Variants in WNK2 observed in about 807,000 individuals in gnomAD.
WNK2 encodes WNK lysine deficient protein kinase 2.
In WNK2, 67 loss-of-function variants were observed where a neutral mutation model predicts 192.1. That is an observed-to-expected ratio of 0.35 (90% CI 0.29 to 0.43). The LOEUF (loss-of-function observed/expected upper bound fraction) is 0.43. Ranked by LOEUF, WNK2 falls within the 20% of genes least tolerant of loss-of-function variation. The probability of loss-of-function intolerance (pLI) is 1.00; values close to 1 mark genes in which losing one functional copy is unlikely to be tolerated. For missense variants in WNK2, 2,698 were observed against 3,089.7 expected, an observed-to-expected ratio of 0.87 and a Z score of 3.01; for synonymous variants, 1,439 against 1,393.9, an observed-to-expected ratio of 1.03 and a Z score of -0.72.
Position 93,185,280 on chromosome 9 carries a change from G to A in WNK2, c.351G>A (p.Glu117=). The A allele has an allele frequency of 2.9e-6, 4 of 1,362,970 alleles. No individual in the cohort carries two copies. Among genetic ancestry groups the A allele is most frequent in the Non-Finnish European group, 1.9e-6 (2 of 1,064,958 alleles). The allele number at this position is 1,362,970 out of a possible 1,614,324, so 84.4% of individuals were successfully genotyped here. A position where few individuals can be genotyped will look rare whatever the true frequency, so the allele number is the denominator to read the frequency against. ...GAGCCCCCGCGGACGCCGGCCCCGA[G>A]CCCGTGGGCACGCAGGAGCCCGGCC... ...APGAPADAGP[E]PVGTQEPGPD... Residue 117 remains glutamate (E), a synonymous_variant, in exon 2 of 30, where the codon GAG becomes GAA. Transcript: ENST00000427277.
At chr9:93,317,400 C>T in intron 28 of WNK2, 120 bp from the exon 29 acceptor site, 6 of 887,786 alleles carry the variant, frequency 6.8e-6, no homozygotes, top group Admixed American at 4.4e-5. Context: ...CCTGTCACAG[C>T]AGGTTCCAGG....
intron 2 of WNK2, among the ~76,000 whole-genome samples, chr9:93,195,265 A>G (rs1286991602): frequency 6.6e-6 from 1 of 152,196 alleles, no homozygotes; most frequent in Non-Finnish European, 1.5e-5. Context: ...CTAATGCAAG[A>G]TGTTAATAAT....
chr9:93,293,688 G>C (rs1849746501), intron 23 of WNK2, among the ~76,000 whole-genome samples: 1 of 152,080 alleles, frequency 6.6e-6, no homozygotes, highest in South Asian at 2.1e-4. Flanking sequence ...CCACCCTGCT[G>C]TCTGCTTGGC....
intron 2 of WNK2, among the ~76,000 whole-genome samples, chr9:93,188,704 G>A (rs1038359844): frequency 2.0e-5 from 3 of 152,140 alleles, no homozygotes; most frequent in East Asian, 3.9e-4. Context: ...GACAGGGTGC[G>A]GGGTAGCCTG....
Position 93,259,246 on chromosome 9 carries a change from C to G in WNK2, c.2698C>G (p.His900Asp), listed in dbSNP as rs769408143. 1 of 1,613,464 alleles carries G rather than the reference C, an allele frequency of 6.2e-7. No homozygotes were observed. Among genetic ancestry groups the G allele is most frequent in the South Asian group, 1.1e-5 (1 of 91,088 alleles). The change falls in exon 12 of 30, where the codon CAT becomes GAT. Residue 900 changes from histidine (H) to aspartate (D), a missense_variant. This residue lies in a region of WNK2 where 893 missense variants were observed against 909.0 expected (regional missense o/e 0.98). Transcript: ENST00000427277. The surrounding 1 kb of genome is among the most constrained non-coding windows in gnomAD (Gnocchi z 4.8). ...ACCGGGCGTGGCTGCCCTGTCCATT[C>G]ATTCTGCCGTGGCCCAGCTCCCAGG... ...APPGVAALSI[H>D]SAVAQLPGQP...
rs774462988 is a variant in WNK2, at chr9:93,259,437, C to T, written c.2889C>T (p.Pro963=). 2 of 1,501,278 alleles carry T rather than the reference C, an allele frequency of 1.3e-6. No individual in the cohort carries two copies. The highest frequency in any genetic ancestry group is 1.2e-5 in the South Asian group (1 of 81,932). 93.0% of individuals were successfully genotyped at this position (1,501,278 alleles called of 1,614,324 possible). A position where few individuals can be genotyped will look rare whatever the true frequency, so the allele number is the denominator to read the frequency against. Residue 963 remains proline, a synonymous_variant, in exon 12 of 30, where the codon CCC becomes CCT. Coordinates refer to ENST00000427277, the MANE Select transcript of WNK2 (RefSeq NM_006648.4). The surrounding 1 kb of genome is among the most constrained non-coding windows in gnomAD (Gnocchi z 4.8). Reference sequence around the variant, plus strand: ...TGCTGCCCCCGCAACCCACGCTGCCCCCTCAACCTGTGTTGCCCCCGCAAC... The same window carrying T: ...TGCTGCCCCCGCAACCCACGCTGCCTCCTCAACCTGTGTTGCCCCCGCAAC... ...QPVLPPQPTL[P]PQPVLPPQPT...
chr9:93,290,390 G>A lies in WNK2; in HGVS notation c.4936+343G>A, dbSNP rs10992700. On this transcript the variant is annotated intron_variant, in intron 21 of 29. Transcript: ENST00000427277. ...CAGTTATTGTTAGTGTATCTCATGT[G>A]TGACCCAAGACAATTCTTCATCTTC... Among the ~76,000 whole-genome samples the A allele has an allele frequency of 2.5e-3, 380 of 150,258 alleles. 13 individuals are homozygous for A. The East Asian group carries it at 0.068, about 27-fold the overall frequency.
chr9:93,282,612 G>A (rs963894076), intron 19 of WNK2, among the ~76,000 whole-genome samples: 1 of 152,088 alleles, frequency 6.6e-6, no homozygotes, highest in Non-Finnish European at 1.5e-5. Context: ...AAACATAATG[G>A]TGAAAGATTC....
At chr9:93,298,170 G>A in intron 24 of WNK2, 103 bp downstream of exon 24, 1 of 1,267,800 alleles carries the variant, frequency 7.9e-7, no homozygotes, top group South Asian at 1.4e-5. Flanking sequence ...GGACCTGGAA[G>A]ACCACTCGGG....
At chr9:93,307,872 C>T (rs538792384) in intron 27 of WNK2, 12 of 165,292 alleles carry the variant, frequency 7.3e-5, no homozygotes, top group Admixed American at 2.3e-4. Flanking sequence ...GCTCTGCACA[C>T]GGTACTCCAC....
intron 24 of WNK2, 71 bp from the exon 25 acceptor site, chr9:93,298,999 C>T: frequency 6.7e-7 from 1 of 1,484,000 alleles, no homozygotes; most frequent in Non-Finnish European, 9.1e-7. Flanking sequence ...GCAGGCAGAA[C>T]AGACTCAATC....
intron 10 of WNK2, 132 bp downstream of exon 10, chr9:93,256,586 G>A: frequency 1.7e-6 from 2 of 1,156,716 alleles, no homozygotes; most frequent in Non-Finnish European, 2.3e-6. Flanking sequence ...CCAGGTCTTT[G>A]GTGTGCCTGA....
Position 93,252,955 on chromosome 9 carries a change from T to C in WNK2, c.1907T>C (p.Met636Thr), listed in dbSNP as rs1287995811. Residue 636 changes from methionine to threonine, a missense_variant, in exon 9 of 30, where the codon ATG becomes ACG. By Grantham distance (81) the Met-to-Thr change is moderately conservative. Coordinates refer to ENST00000427277, the MANE Select transcript of WNK2 (RefSeq NM_006648.4). ...SDSQSSQQSVMLGSLADAAPS... is the reference protein window; with the variant it reads ...SDSQSSQQSVTLGSLADAAPS... ...TCGCAGAGCAGCCAGCAGAGCGTGA[T>C]GCTTGGCTCCCTTGCCGACGCAGCG... 1.9e-6 allele frequency: 3 copies of C among 1,578,354 alleles called. No homozygotes were observed. Among genetic ancestry groups the C allele is most frequent in the Non-Finnish European group, 2.6e-6 (3 of 1,163,264 alleles).
intron 2 of WNK2, among the ~76,000 whole-genome samples, chr9:93,207,783 G>A (rs1158030201): frequency 1.3e-5 from 2 of 152,208 alleles, no homozygotes; most frequent in African/African-American, 2.4e-5. Flanking sequence ...CTCTCCAGGC[G>A]CTGTTTTTAG....
chr9:93,256,437 G>C lies in WNK2; in HGVS notation c.2173G>C (p.Ala725Pro), dbSNP rs1409568653. ...TPMPTGPGQPAPPGQQPPPLA... is the reference protein window; with the variant it reads ...TPMPTGPGQPPPPGQQPPPLA... ...CATGCCCACGGGCCCAGGCCAGCCA[G>C]CACCCCCCGGCCAGCAGGTGAGTGT... The change falls in exon 10 of 30, where the codon GCA becomes CCA. Residue 725 changes from alanine to proline, a missense_variant. Ala to Pro is a conservative substitution (Grantham distance 27). Transcript: ENST00000427277. The C allele has an allele frequency of 8.5e-6, 13 of 1,529,766 alleles. No homozygotes were observed. The highest frequency in any genetic ancestry group is 1.1e-5 in the Non-Finnish European group (13 of 1,143,222). The allele number at this position is 1,529,766 out of a possible 1,614,324, so 94.8% of individuals were successfully genotyped here. A position where few individuals can be genotyped will look rare whatever the true frequency, so the allele number is the denominator to read the frequency against.
In WNK2 at chr9:93,297,773, C is replaced by A. The variant is rs1006257034; in HGVS notation, c.5709-80C>A. On this transcript the variant is annotated intron_variant, in intron 23 of 29. Coordinates refer to ENST00000427277, the MANE Select transcript of WNK2 (RefSeq NM_006648.4). The stretch of plus-strand genomic sequence containing the variant: ...ACCCTTCATCCCATGTTCTCCCACG[C>A]CACCTCCCTCCTGGAGGAGCTGGCG... 1.1e-4 allele frequency: 161 copies of A among 1,442,138 alleles called. 2 individuals carry two copies. The South Asian group carries it at 1.2e-3, about 11-fold the overall frequency. 89.3% of individuals were successfully genotyped at this position (1,442,138 alleles called of 1,614,324 possible). A position where few individuals can be genotyped will look rare whatever the true frequency, so the allele number is the denominator to read the frequency against.
intron 2 of WNK2, among the ~76,000 whole-genome samples, chr9:93,186,902 C>T (rs1302039504): frequency 6.6e-6 from 1 of 152,122 alleles, no homozygotes; most frequent in Admixed American, 6.5e-5. Context: ...TCCCCTCCCT[C>T]ATGGTCCTGT....
chr9:93,220,771 G>A (rs1836717196), intron 2 of WNK2, among the ~76,000 whole-genome samples: 1 of 152,128 alleles, frequency 6.6e-6, no homozygotes, highest in African/African-American at 2.4e-5. Flanking sequence ...CCGGGGAGTG[G>A]GCACCTTGGG....
intron 5 of WNK2, among the ~76,000 whole-genome samples, chr9:93,235,748 C>A (rs575775616): frequency 6.6e-5 from 10 of 152,346 alleles, no homozygotes; most frequent in African/African-American, 2.4e-4. Flanking sequence ...CCTGCAGTCC[C>A]TGCTGTCTCC....
Sources: allele counts gnomAD v4.1 joint callset (sites outside exome capture counted in the v4.1 genomes callset), GRCh38; gene constraint gnomAD v4.1.1; regional missense constraint gnomAD v4.1.1; non-coding constraint Gnocchi (gnomAD v3.1); transcripts MANE v1.5; gene names NCBI Gene and HGNC (gene_info 2026-07-23, HGNC 2026-07-21).